Variants in MAST4 observed in about 807,000 individuals in gnomAD.
MAST4 encodes microtubule-associated serine/threonine-protein kinase 4.
MAST4 carries 89 observed loss-of-function variants against 162.7 expected under a neutral mutation model. The observed-to-expected ratio is 0.55, with a 90% CI of 0.46 to 0.65. MAST4 has a LOEUF of 0.65. MAST4 is among the 30% of genes least tolerant of loss of function. The probability of loss-of-function intolerance (pLI) is 0.00; values close to 1 mark genes in which losing one functional copy is unlikely to be tolerated. For synonymous variants in MAST4, 1,479 were observed against 1,361.1 expected (o/e 1.09, Z -1.91); for missense variants, 3,153 against 3,374.0 (o/e 0.93, Z 1.62).
intron 3 of MAST4, among the ~76,000 whole-genome samples, chr5:66,797,685 T>C (rs949930675): frequency 2.0e-5 from 3 of 152,158 alleles, no homozygotes; most frequent in Non-Finnish European, 4.4e-5. Context: ...TGAGAATTCA[T>C]AGAAGCAGAA....
At chr5:66,672,425 GT>G (rs998686560) in intron 1 of MAST4, among the ~76,000 whole-genome samples, 5 of 152,104 alleles carry the variant, frequency 3.3e-5, no homozygotes, top group African/African-American at 1.2e-4. Context: ...ATTTGAATGA[GT>G]TATTGCACAA....
At chr5:66,639,193 A>G (rs2149432589) in intron 1 of MAST4, among the ~76,000 whole-genome samples, 1 of 152,108 alleles carries the variant, frequency 6.6e-6, no homozygotes, top group Admixed American at 6.6e-5. Flanking sequence ...GGAAAAACCT[A>G]GATAGAATGA....
At chr5:67,083,987 G>A (rs1405532589) in intron 5 of MAST4, among the ~76,000 whole-genome samples, 1 of 152,194 alleles carries the variant, frequency 6.6e-6, no homozygotes, top group African/African-American at 2.4e-5. Context: ...GGAAGGGTCA[G>A]TGAAAAGCTA....
intron 2 of MAST4, among the ~76,000 whole-genome samples, chr5:66,768,952 A>G (rs79937263): frequency 0.02 from 3,104 of 152,234 alleles, 107 homozygotes; most frequent in African/African-American, 0.07. Context: ...GTGCATTGTG[A>G]GAGACCATGG....
chr5:66,927,730 T>C (rs927212022), intron 4 of MAST4, among the ~76,000 whole-genome samples: 3 of 152,208 alleles, frequency 2.0e-5, no homozygotes, highest in African/African-American at 7.2e-5. Context: ...ATCTGCCTCA[T>C]GTATCAGTTT....
chr5:66,965,225 C>CTTTT (rs1187971815), intron 4 of MAST4, among the ~76,000 whole-genome samples: 24 of 84,880 alleles, frequency 2.8e-4, no homozygotes, highest in Admixed American at 4.8e-4. Context: ...TTTTTTTTTG[C>CTTTT]TTTTTTTTTT....
At position 67,068,501 on chromosome 5, in the gene MAST4, C is replaced by T. The variant is rs79390156; in HGVS notation, c.763+14009C>T. On this transcript the variant is annotated intron_variant, in intron 5 of 28. Transcript: ENST00000403625. ...ATCACGAGAATAGCATGGGAGAAAC[C>T]ATCTCCATGATCCAGTCACTTTCCC... Among the ~76,000 whole-genome samples the T allele has an allele frequency of 5.3e-3, 807 of 152,246 alleles. 7 individuals carry two copies. Among genetic ancestry groups the T allele is most frequent in the African/African-American group, 0.019 (776 of 41,534 alleles).
Position 67,121,008 on chromosome 5 carries a change from G to A in MAST4, c.1660-9G>A. ...AACTACTTTTTAACTTCCATATTTT[G>A]TTTCCAAGAGCTCTAATGCCTCCCT... On this transcript the variant is annotated splice_polypyrimidine_tract_variant and intron_variant, in intron 13 of 28. Coordinates refer to ENST00000403625, the MANE Select transcript of MAST4 (RefSeq NM_001164664.2). 6.3e-7 allele frequency: 1 copy of A among 1,596,022 alleles called. No homozygotes were observed. Among genetic ancestry groups the A allele is most frequent in the Non-Finnish European group, 8.5e-7 (1 of 1,169,600 alleles).
intron 1 of MAST4, among the ~76,000 whole-genome samples, chr5:66,602,210 C>T (rs530923212): frequency 1.3e-5 from 2 of 152,218 alleles, no homozygotes; most frequent in Non-Finnish European, 1.5e-5. Context: ...TGCCCATTTC[C>T]AGAGTAAATT....
At chr5:66,803,934 A>G (rs1424885894) in intron 3 of MAST4, among the ~76,000 whole-genome samples, 1 of 151,394 alleles carries the variant, frequency 6.6e-6, no homozygotes, top group African/African-American at 2.4e-5. Context: ...GATAAATGCT[A>G]TGGGCTTTTT....
At chr5:66,755,936 T>A (rs1753510238) in intron 1 of MAST4, among the ~76,000 whole-genome samples, 1 of 152,198 alleles carries the variant, frequency 6.6e-6, no homozygotes, top group South Asian at 2.1e-4. Context: ...TAAAACAGCA[T>A]ATAATGGGTG....
In MAST4 at chr5:67,096,747, A is replaced by G. The variant is rs117602059; in HGVS notation, c.912+1072A>G. Among the ~76,000 whole-genome samples, 23 of 152,204 alleles carry G rather than the reference A, an allele frequency of 1.5e-4. No individual in the cohort carries two copies. The East Asian group carries it at 4.0e-3, about 27-fold the overall frequency. On this transcript the variant is annotated intron_variant, in intron 7 of 28. Coordinates refer to ENST00000403625, the MANE Select transcript of MAST4 (RefSeq NM_001164664.2). ...TAAAAGCTGTTGGGTTATTTTTACC[A>G]TCTCTTTATGGTATTTCATTGAGCA... is the stretch of plus-strand genomic sequence containing the variant.
chr5:66,793,218 T>C (rs140320594), intron 3 of MAST4, among the ~76,000 whole-genome samples: 4 of 152,342 alleles, frequency 2.6e-5, no homozygotes, highest in South Asian at 4.1e-4. Flanking sequence ...CCCAGACACA[T>C]TGGGCATTTC....
At chr5:66,817,307 T>C (rs908109426) in intron 3 of MAST4, among the ~76,000 whole-genome samples, 5 of 152,254 alleles carry the variant, frequency 3.3e-5, no homozygotes, top group African/African-American at 1.2e-4. Context: ...GGCATTTTTA[T>C]TGCCCAGGTA....
chr5:67,066,922 T>C (rs1760309328), intron 5 of MAST4, among the ~76,000 whole-genome samples: 1 of 152,100 alleles, frequency 6.6e-6, no homozygotes, highest in South Asian at 2.1e-4. Flanking sequence ...GGCACCAAGA[T>C]AACTTTACAC....
In MAST4 at chr5:67,164,677, G is replaced by GTGAC; in HGVS notation, c.5499_5502dup (p.Val1835Ter). On this transcript the variant is annotated frameshift_variant, in exon 29 of 29. Transcript: ENST00000403625. LOFTEE classifies it low-confidence loss of function (END_TRUNC). This position sits in a 1 kb window ranked among gnomAD's most constrained non-coding sequence, Gnocchi z 5.3. ...TCTGCACAGAGCCCCAGCCCAAGTG[G>GTGAC]TGACGTGAGGGCCTCTGTGCCACCA... The GTGAC allele has an allele frequency of 6.2e-7, 1 of 1,614,008 alleles. No homozygotes were observed. Among genetic ancestry groups the GTGAC allele is most frequent in the East Asian group, 2.2e-5 (1 of 44,890 alleles).
intron 4 of MAST4, among the ~76,000 whole-genome samples, chr5:66,978,269 G>A (rs556023919): frequency 2.3e-4 from 35 of 152,256 alleles, no homozygotes; most frequent in African/African-American, 7.9e-4. Context: ...TCCAAGGTTG[G>A]GTGAGTTGTA....
chr5:67,166,597 G>A lies in MAST4; in HGVS notation c.7418G>A (p.Arg2473Lys), dbSNP rs1020427685. ...TTCCCTGAAACCAGGGCCGGAGTTA[G>A]AGAGGCCTCTGCAGCCAGCAGCGAC... ...SSFPETRAGVREASAASSDTS... is the reference protein window; with the variant it reads ...SSFPETRAGVKEASAASSDTS... The change falls in exon 29 of 29, where the codon AGA (arginine) becomes AAA (lysine). Residue 2473 changes from arginine to lysine, a missense_variant. By Grantham distance (26) the Arg-to-Lys change is conservative (BLOSUM62 2). Around this residue, in one of 7 missense-constraint regions of MAST4, gnomAD observed 1,644 missense variants for 1,495.0 expected, o/e 1.10. Transcript: ENST00000403625. 6 of 1,602,044 alleles carry A rather than the reference G, an allele frequency of 3.7e-6. No individual in the cohort carries two copies. Among genetic ancestry groups the A allele is most frequent in the Middle Eastern group, 1.7e-4 (1 of 6,048 alleles).
chr5:66,788,616 A>G, intron 2 of MAST4, 54 bp from the exon 3 acceptor site: 1 of 1,573,662 alleles, frequency 6.4e-7, no homozygotes, highest in Non-Finnish European at 8.7e-7. Flanking sequence ...CCATTGCAAT[A>G]AGACTACTAC....
Sources: gnomAD v4.1 joint callset for allele counts (sites outside exome capture counted in the v4.1 genomes callset) on GRCh38, gnomAD v4.1.1 for gene constraint, gnomAD v4.1.1 regional missense constraint, Gnocchi (gnomAD v3.1) non-coding constraint, MANE v1.5 for transcripts, NCBI Gene and HGNC (gene_info 2026-07-23, HGNC 2026-07-21) for gene names.